Variants in PLEKHM3 observed in about 807,000 individuals in gnomAD.
PLEKHM3 encodes pleckstrin homology domain-containing family M member 3.
PLEKHM3 carries 45 observed loss-of-function variants against 81.8 expected under a neutral mutation model. That is an observed-to-expected ratio of 0.55 (90% CI 0.43 to 0.71). The LOEUF (loss-of-function observed/expected upper bound fraction) is 0.71, where lower values mean the gene tolerates loss of function less well. Ranked by LOEUF, PLEKHM3 falls within the 30% of genes least tolerant of loss-of-function variation. The pLI, the probability that PLEKHM3 is intolerant of heterozygous loss-of-function variation, is 0.00. For missense variants in PLEKHM3, 788 were observed against 924.3 expected, an observed-to-expected ratio of 0.85 and a Z score of 1.91; for synonymous variants, 352 against 356.4, an observed-to-expected ratio of 0.99 and a Z score of 0.14.
At chr2:208,019,137 C>A (rs1434238269) in intron 1 of PLEKHM3, among the ~76,000 whole-genome samples, 2 of 147,854 alleles carry the variant, frequency 1.4e-5, no homozygotes, top group African/African-American at 5.1e-5. Context: ...CCCATCTCTA[C>A]AAAAAAAAAA....
intron 5 of PLEKHM3, among the ~76,000 whole-genome samples, chr2:207,924,636 G>C (rs1689325839): frequency 6.6e-6 from 1 of 152,148 alleles, no homozygotes; most frequent in Non-Finnish European, 1.5e-5. Context: ...AGTGAGCTGA[G>C]ATCGCGCCAC....
intron 5 of PLEKHM3, among the ~76,000 whole-genome samples, chr2:207,927,443 G>A (rs1175331049): frequency 6.7e-6 from 1 of 149,200 alleles, no homozygotes; most frequent in African/African-American, 2.5e-5. Context: ...TTGAACCCAG[G>A]AGGCAGAGGC....
At chr2:208,000,005 A>G (rs1297888625) in intron 2 of PLEKHM3, among the ~76,000 whole-genome samples, 2 of 152,214 alleles carry the variant, frequency 1.3e-5, no homozygotes, top group African/African-American at 4.8e-5. Context: ...TTAGCAATAA[A>G]AATTGATAGC....
chr2:207,869,957 CTTTA>C (rs1330902200), intron 6 of PLEKHM3: 2 of 152,142 alleles, frequency 1.3e-5, no homozygotes, highest in African/African-American at 2.4e-5. Context: ...AGACAACAGA[CTTTA>C]TTTGATTTAC....
chr2:207,894,438 T>C (rs1450620471), intron 6 of PLEKHM3, among the ~76,000 whole-genome samples: 1 of 152,190 alleles, frequency 6.6e-6, no homozygotes, highest in Non-Finnish European at 1.5e-5. Context: ...TTTTTTGCCA[T>C]GCATGGTGCT....
chr2:207,879,084 G>C (rs575780172), intron 6 of PLEKHM3, among the ~76,000 whole-genome samples: 1 of 152,134 alleles, frequency 6.6e-6, no homozygotes, highest in African/African-American at 2.4e-5. Flanking sequence ...TATGAGTTCT[G>C]GGTGCTTTCT....
intron 1 of PLEKHM3, among the ~76,000 whole-genome samples, chr2:208,006,595 T>C (rs1383667183): frequency 6.6e-6 from 1 of 152,234 alleles, no homozygotes; most frequent in Non-Finnish European, 1.5e-5. Flanking sequence ...AACATGCCTT[T>C]ACAAATGTAA....
intron 2 of PLEKHM3, among the ~76,000 whole-genome samples, chr2:207,980,997 G>T (rs991011370): frequency 6.6e-6 from 1 of 151,674 alleles, no homozygotes; most frequent in South Asian, 2.1e-4. Context: ...GTGTGGTGGT[G>T]TGTGCCTGTA....
At chr2:207,917,847 A>G (rs1391513929) in intron 5 of PLEKHM3, among the ~76,000 whole-genome samples, 1 of 152,172 alleles carries the variant, frequency 6.6e-6, no homozygotes, top group Non-Finnish European at 1.5e-5. Context: ...AAAAGAAAAA[A>G]AAATTCTGCC....
chr2:207,865,409 T>C lies in PLEKHM3; in HGVS notation c.1951-4147A>G, dbSNP rs138986116. 5.3e-3 allele frequency among the ~76,000 whole-genome samples: 813 copies of C among 152,216 alleles called. 6 individuals are homozygous for C. The highest frequency in any genetic ancestry group is 0.019 in the African/African-American group (778 of 41,544). On this transcript the variant is annotated intron_variant, in intron 6 of 7. Coordinates refer to ENST00000427836, the MANE Select transcript of PLEKHM3 (RefSeq NM_001080475.3). ...ATTTTAGGGCATTCCACTAACCCTC[T>C]GAAAAAACTCTATATCCATTAGTAG... is the stretch of plus-strand genomic sequence containing the variant.
Position 207,824,255 on chromosome 2 carries a change from AG to A in PLEKHM3, c.*4063del, listed in dbSNP as rs1230523575. On this transcript the variant is annotated 3_prime_UTR_variant, in exon 8 of 8. Coordinates refer to ENST00000427836, the MANE Select transcript of PLEKHM3 (RefSeq NM_001080475.3). ...TTTCACATTATTTCAGAGTAAGAAAAGAAGTGGTGCAGACAACTCAAGAAAT... is the reference window on the plus strand; with the variant it reads ...TTTCACATTATTTCAGAGTAAGAAAAAAGTGGTGCAGACAACTCAAGAAAT... 1 of 152,262 alleles carries A rather than the reference AG, an allele frequency of 6.6e-6. No individual in the cohort carries two copies. Among genetic ancestry groups the A allele is most frequent in the Non-Finnish European group, 1.5e-5 (1 of 68,038 alleles). 9.4% of individuals were successfully genotyped at this position (152,262 alleles called of 1,614,324 possible).
At chr2:207,981,847 GAAT>G (rs1487770405) in intron 2 of PLEKHM3, among the ~76,000 whole-genome samples, 5 of 152,040 alleles carry the variant, frequency 3.3e-5, no homozygotes, top group East Asian at 1.9e-4. Context: ...TTTGATAAAT[GAAT>G]AATATCATAT....
chr2:207,973,868 G>A (rs750243224), intron 3 of PLEKHM3, among the ~76,000 whole-genome samples: 20 of 152,220 alleles, frequency 1.3e-4, no homozygotes, highest in Non-Finnish European at 2.8e-4. Flanking sequence ...CATATAAATG[G>A]AACAGCTTTT....
intron 3 of PLEKHM3, among the ~76,000 whole-genome samples, chr2:207,954,458 G>A (rs1315844224): frequency 6.6e-6 from 1 of 152,168 alleles, no homozygotes; most frequent in Non-Finnish European, 1.5e-5. Flanking sequence ...TATCTAGAGA[G>A]AGAGACAAGA....
Position 208,001,235 on chromosome 2 carries a change from G to A in PLEKHM3, c.405C>T (p.Asp135=). 1.2e-6 allele frequency: 2 copies of A among 1,614,168 alleles called. No individual in the cohort carries two copies. Among genetic ancestry groups the A allele is most frequent in the Non-Finnish European group, 1.7e-6 (2 of 1,180,014 alleles). ...TGAAAGTTGAGGTCTCATCCAGTAA[G>A]TCATTTACAGAACGAGGCCGGTCCC... ...RRRDRPRSVN[D]LLDETSTFKP... is the part of the protein sequence containing the mutation. The change falls in exon 2 of 8, where the codon GAC becomes GAT. Residue 135 remains aspartate, a synonymous_variant. Transcript: ENST00000427836.
At chr2:207,890,308 T>A (rs1361157084) in intron 6 of PLEKHM3, among the ~76,000 whole-genome samples, 1 of 152,146 alleles carries the variant, frequency 6.6e-6, no homozygotes, top group African/African-American at 2.4e-5. Context: ...TACATGACTG[T>A]GAATAATATA....
At chr2:207,839,422 A>C (rs576403497) in intron 7 of PLEKHM3, among the ~76,000 whole-genome samples, 33 of 152,328 alleles carry the variant, frequency 2.2e-4, no homozygotes, top group African/African-American at 7.5e-4. Context: ...CTGGTTATTG[A>C]TGTAAATTTA....
chr2:207,966,045 A>G (rs1025411543), intron 3 of PLEKHM3, among the ~76,000 whole-genome samples: 9 of 152,360 alleles, frequency 5.9e-5, no homozygotes, highest in African/African-American at 1.9e-4. Context: ...AGTTGGAAGG[A>G]AAGTCTAAGA....
At position 207,889,383 on chromosome 2, in the gene PLEKHM3, C is replaced by T. The variant is rs1574374548; in HGVS notation, c.1950+19131G>A. On this transcript the variant is annotated intron_variant, in intron 6 of 7. Coordinates refer to ENST00000427836, the MANE Select transcript of PLEKHM3 (RefSeq NM_001080475.3). ...ATAGGCCACTATGTTAACAAAGCTC[C>T]ACCTCCCTCAACTAGAATACACATT... 2.0e-5 allele frequency among the ~76,000 whole-genome samples: 3 copies of T among 149,900 alleles called. No homozygotes were observed. The East Asian group carries it at 6.3e-4, about 31-fold the overall frequency.
Sources: gnomAD v4.1 joint callset for allele counts (sites outside exome capture counted in the v4.1 genomes callset) on GRCh38, gnomAD v4.1.1 for gene constraint, MANE v1.5 for transcripts, NCBI Gene and HGNC (gene_info 2026-07-23, HGNC 2026-07-21) for gene names.